The following HERPUD2 variants were observed in gnomAD, a reference collection of about 807,000 sequenced individuals.
HERPUD2 encodes the protein homocysteine-responsive endoplasmic reticulum-resident ubiquitin-like domain member 2 protein.
HERPUD2 carries 13 observed loss-of-function variants against 49.9 expected under a neutral mutation model. The observed-to-expected ratio is 0.26, with a 90% CI of 0.17 to 0.41. The LOEUF (loss-of-function observed/expected upper bound fraction) is 0.41, where lower values mean the gene tolerates loss of function less well. Among genes scored for constraint, HERPUD2 ranks in the 10% least tolerant of loss-of-function variants. HERPUD2 has a pLI of 1.00. For synonymous variants in HERPUD2, 172 were observed against 171.4 expected (o/e 1.00, Z -0.03); for missense variants, 449 against 492.2 (o/e 0.91, Z 0.83).
rs759782966 is a variant in HERPUD2 at position 35,694,334 on chromosome 7, G to GC, written c.-5dup. 3.7e-6 allele frequency: 6 copies of GC among 1,614,122 alleles called. No homozygotes were observed. Among genetic ancestry groups the GC allele is most frequent in the Non-Finnish European group, 4.2e-6 (5 of 1,179,982 alleles). On this transcript the variant is annotated 5_prime_UTR_variant, in exon 2 of 9. Coordinates refer to ENST00000311350, the MANE Select transcript of HERPUD2 (RefSeq NM_022373.5). ...TCTCCATCCCACTTTGGTCCATGGT[G>GC]CCCCCAAAGTCAGACAGAGTCCAGA...
intron 2 of HERPUD2, among the ~76,000 whole-genome samples, chr7:35,677,935 T>C (rs1785801107): frequency 6.6e-6 from 1 of 152,212 alleles, no homozygotes; most frequent in South Asian, 2.1e-4. Context: ...TTTCCTTATC[T>C]GTAAGTTAAG....
chr7:35,682,251 G>A lies in HERPUD2; in HGVS notation c.148-8973C>T, dbSNP rs1233824212. 2.7e-4 allele frequency among the ~76,000 whole-genome samples: 16 copies of A among 59,960 alleles called. 1 individual carries two copies. The highest frequency in any genetic ancestry group is 1.1e-3 in the African/African-American group (15 of 14,064). 39.3% of individuals were successfully genotyped at this position (59,960 alleles called of 152,430 possible). ...TATATAGATATATACACATACACACGTGTGTGTGTGTATATATAGATATAT... is the reference window on the plus strand; with the variant it reads ...TATATAGATATATACACATACACACATGTGTGTGTGTATATATAGATATAT... On this transcript the variant is annotated intron_variant, in intron 2 of 8. Transcript: ENST00000311350.
At chr7:35,654,294 T>C (rs1785229853) in intron 5 of HERPUD2, among the ~76,000 whole-genome samples, 1 of 149,910 alleles carries the variant, frequency 6.7e-6, no homozygotes, top group African/African-American at 2.5e-5. Flanking sequence ...ATAAAATCAA[T>C]AAACCACTAT....
intron 6 of HERPUD2, among the ~76,000 whole-genome samples, chr7:35,636,177 T>C (rs1784869398): frequency 1.3e-5 from 2 of 152,190 alleles, no homozygotes; most frequent in African/African-American, 4.8e-5. Flanking sequence ...AGTTGTAAAA[T>C]AAGACTGACA....
At chr7:35,667,864 T>C (rs1159166934) in intron 4 of HERPUD2, among the ~76,000 whole-genome samples, 1 of 152,140 alleles carries the variant, frequency 6.6e-6, no homozygotes, top group African/African-American at 2.4e-5. Flanking sequence ...TATTAAATTC[T>C]GAGGATTAAG....
chr7:35,682,345 GTGTGTGTGTGTGTATATA>G (rs1562686268), intron 2 of HERPUD2, among the ~76,000 whole-genome samples: 514 of 27,802 alleles, frequency 0.018, 4 homozygotes, highest in Non-Finnish European at 0.031. Flanking sequence ...GTGTGTGTGT[GTGTGTGTGTGTGTATATA>G]TATATATATA....
intron 8 of HERPUD2, 141 bp downstream of exon 8, chr7:35,634,171 C>T (rs1784832565): frequency 4.8e-6 from 3 of 622,584 alleles, no homozygotes; most frequent in Non-Finnish European, 8.6e-6. Flanking sequence ...AATGAAACCA[C>T]CACAATTTAT....
intron 2 of HERPUD2, among the ~76,000 whole-genome samples, chr7:35,678,757 G>C (rs1370586565): frequency 1.3e-5 from 2 of 152,058 alleles, no homozygotes; most frequent in Non-Finnish European, 2.9e-5. Flanking sequence ...TTTGGTTAAA[G>C]AATGTAGTAT....
At position 35,694,539 on chromosome 7, in the gene HERPUD2, G is replaced by A; in HGVS notation, c.-209C>T. 1.7e-6 allele frequency: 1 copy of A among 585,738 alleles called. No homozygotes were observed. Among genetic ancestry groups the A allele is most frequent in the Non-Finnish European group, 3.0e-6 (1 of 331,208 alleles). 36.3% of individuals were successfully genotyped at this position (585,738 alleles called of 1,614,324 possible). A position where few individuals can be genotyped will look rare whatever the true frequency, so the allele number is the denominator to read the frequency against. ...GGTGGCGACTGCGACGGTGGGGTCT[G>A]GGTGCCCGGCCGTGGAGGCAGCTCT... is the stretch of plus-strand genomic sequence containing the variant. On this transcript the variant is annotated 5_prime_UTR_variant, in exon 2 of 9. Transcript: ENST00000311350.
At chr7:35,659,869 ATT>A (rs551905504) in intron 5 of HERPUD2, among the ~76,000 whole-genome samples, 1 of 149,968 alleles carries the variant, frequency 6.7e-6, no homozygotes, top group East Asian at 2.0e-4. Flanking sequence ...TTTCATCTTT[ATT>A]TTTTTTATTC....
rs780598779 is a variant in HERPUD2, at chr7:35,635,308, A to G, written c.768T>C (p.Asn256=). ...GACCTCCCTGTGCATTCATTTGAAC[A>G]TTCTCATTCATGGGTCGATTTTCTT... ...VAQENRPMNE[N]VQMNAQGGPV... is the part of the protein sequence containing the mutation. The change falls in exon 7 of 9, where the codon AAT becomes AAC. Residue 256 remains asparagine (N), a synonymous_variant. Transcript: ENST00000311350. The G allele has an allele frequency of 6.2e-7, 1 of 1,614,112 alleles. No individual in the cohort carries two copies. Among genetic ancestry groups the G allele is most frequent in the Non-Finnish European group, 8.5e-7 (1 of 1,180,026 alleles).
intron 5 of HERPUD2, among the ~76,000 whole-genome samples, chr7:35,658,238 A>T (rs759546935): frequency 6.6e-6 from 1 of 152,226 alleles, no homozygotes; most frequent in African/African-American, 2.4e-5. Context: ...GAAAAAACAC[A>T]TATTTCATAT....
chr7:35,674,465 GA>G (rs1785717847), intron 2 of HERPUD2, among the ~76,000 whole-genome samples: 2 of 91,598 alleles, frequency 2.2e-5, no homozygotes, highest in Non-Finnish European at 4.4e-5. Context: ...AGAGAGAGAG[GA>G]GCACTGTGGT....
chr7:35,633,682 T>A lies in HERPUD2; in HGVS notation c.*8A>T, dbSNP rs1296504792. On this transcript the variant is annotated 3_prime_UTR_variant, in exon 9 of 9. Transcript: ENST00000311350. ...AGACCCTCCTTGTAGCTGGCACAGT[T>A]TTTCAGGTCAATTGGCAACCTGGGG... is the stretch of plus-strand genomic sequence containing the variant. 3.7e-6 allele frequency: 6 copies of A among 1,611,176 alleles called. No individual in the cohort carries two copies. Among genetic ancestry groups the A allele is most frequent in the Admixed American group, 1.7e-5 (1 of 59,390 alleles).
In HERPUD2 at chr7:35,638,415, G is replaced by C; in HGVS notation, c.552C>G (p.Pro184=). 6.2e-7 allele frequency: 1 copy of C among 1,613,532 alleles called. No individual in the cohort carries two copies. Among genetic ancestry groups the C allele is most frequent in the Non-Finnish European group, 8.5e-7 (1 of 1,179,552 alleles). ...ATAGCATCTGCAGTGGGCTAAACGC[G>C]GGATACACTGGGAATCCAGGTGGAG... is the stretch of plus-strand genomic sequence containing the variant. ...QAAPPGFPVY[P]AFSPLQMLWW... is the part of the protein sequence containing the mutation. The change falls in exon 6 of 9, where the codon CCC becomes CCG. Residue 184 remains proline (P), a synonymous_variant. Transcript: ENST00000311350.
chr7:35,665,250 C>A (rs1374382636), intron 5 of HERPUD2, among the ~76,000 whole-genome samples: 1 of 152,224 alleles, frequency 6.6e-6, no homozygotes, highest in Non-Finnish European at 1.5e-5. Context: ...CCTCCTTGAG[C>A]TGAGGTGGGC....
intron 5 of HERPUD2, among the ~76,000 whole-genome samples, chr7:35,650,744 C>G (rs906414023): frequency 1.3e-5 from 2 of 152,076 alleles, no homozygotes; most frequent in Non-Finnish European, 2.9e-5. Context: ...CCAAAGTGTA[C>G]CCCCCCACCA....
Position 35,633,586 on chromosome 7 carries a change from A to G in HERPUD2, c.*104T>C, listed in dbSNP as rs937985674. On this transcript the variant is annotated 3_prime_UTR_variant, in exon 9 of 9. Transcript: ENST00000311350. Reference sequence around the variant, plus strand: ...GCCTAAAGAAAAAAAACACCTCTGTACATGATGATCAAAAGAAAGTTATAA... The same window carrying G: ...GCCTAAAGAAAAAAAACACCTCTGTGCATGATGATCAAAAGAAAGTTATAA... 39 of 1,006,826 alleles carry G rather than the reference A, an allele frequency of 3.9e-5. No individual in the cohort carries two copies. In the African/African-American group the frequency reaches 5.0e-4, roughly 13 times the overall value. The allele number at this position is 1,006,826 out of a possible 1,614,324, so 62.4% of individuals were successfully genotyped here. A position where few individuals can be genotyped will look rare whatever the true frequency, so the allele number is the denominator to read the frequency against.
chr7:35,638,306 A>AAT (rs1562667274), intron 6 of HERPUD2, 44 bp downstream of exon 6: 1 of 1,526,140 alleles, frequency 6.6e-7, no homozygotes, highest in East Asian at 2.3e-5. Context: ...AATAAAGCAA[A>AAT]TAACACACTG....
Sources: gnomAD v4.1 joint callset for allele counts (sites outside exome capture counted in the v4.1 genomes callset) on GRCh38, gnomAD v4.1.1 for gene constraint, MANE v1.5 for transcripts, NCBI Gene and HGNC (gene_info 2026-07-23, HGNC 2026-07-21) for gene names.